The following CC2D1A variants were observed in gnomAD, a reference collection of about 807,000 sequenced individuals.
CC2D1A encodes coiled-coil and C2 domain-containing protein 1A.
A neutral mutation model predicts 123.8 loss-of-function variants in CC2D1A; 68 were observed. The observed-to-expected ratio is 0.55, with a 90% CI of 0.45 to 0.67. The LOEUF (loss-of-function observed/expected upper bound fraction) is 0.67, where lower values mean the gene tolerates loss of function less well. CC2D1A is among the 30% of genes least tolerant of loss of function. The probability of loss-of-function intolerance (pLI) is 0.00; values close to 1 mark genes in which losing one functional copy is unlikely to be tolerated. For synonymous variants in CC2D1A, 477 were observed against 528.0 expected (o/e 0.90, Z 1.32); for missense variants, 1,185 against 1,290.3 (o/e 0.92, Z 1.25).
chr19:13,919,244 C>T (rs1473328529), intron 11 of CC2D1A, 42 bp downstream of exon 11: 68 of 1,459,782 alleles, frequency 4.7e-5, no homozygotes, highest in Non-Finnish European at 6.3e-5. Flanking sequence ...TAGGCCCCGC[C>T]CCCGTAGGCC....
intron 1 of CC2D1A, among the ~76,000 whole-genome samples, chr19:13,907,151 A>G (rs561476269): frequency 1.3e-5 from 2 of 152,258 alleles, no homozygotes; most frequent in African/African-American, 4.8e-5. Context: ...AGATCTCTAT[A>G]ATCCCAGCAC....
In CC2D1A at chr19:13,913,188, T is replaced by C; in HGVS notation, c.399T>C (p.His133=). The change falls in exon 5 of 29, where the codon CAT becomes CAC. Residue 133 remains histidine (H), a synonymous_variant. Transcript: ENST00000318003. Reference sequence around the variant, plus strand: ...CACAGCCGAAGCCTGAGGCCCCTCATCCGGGGCTGGAGACCACCTTGCAGG... The same window carrying C: ...CACAGCCGAAGCCTGAGGCCCCTCACCCGGGGCTGGAGACCACCTTGCAGG... ...PVAQPKPEAP[H]PGLETTLQER... is the part of the protein sequence containing the mutation. 6.2e-7 allele frequency: 1 copy of C among 1,612,130 alleles called. No homozygotes were observed. Among genetic ancestry groups the C allele is most frequent in the Non-Finnish European group, 8.5e-7 (1 of 1,179,288 alleles).
Position 13,926,559 on chromosome 19 carries a change from C to A in CC2D1A, c.1983C>A (p.Ile661=), listed in dbSNP as rs553606005. ...GCAGCAACGACATGCTCCTCTTCAT[C>A]GTGAAGGGCATCAACTTGCCCACAC... ...DLSSNDMLLF[I]VKGINLPTPP... Residue 661 remains isoleucine (I), a synonymous_variant, in exon 18 of 29, where the codon ATC becomes ATA. Coordinates refer to ENST00000318003, the MANE Select transcript of CC2D1A (RefSeq NM_017721.5). The A allele has an allele frequency of 6.2e-7, 1 of 1,614,050 alleles. No homozygotes were observed.
chr19:13,926,065 TACAC>T (rs111396032), intron 17 of CC2D1A, among the ~76,000 whole-genome samples: 5,189 of 127,852 alleles, frequency 0.041, 517 homozygotes, highest in African/African-American at 0.17. Context: ...TATGTATATA[TACAC>T]ACACACACAC....
Position 13,920,810 on chromosome 19 carries a change from G to A in CC2D1A, c.1529G>A (p.Arg510Gln), listed in dbSNP as rs867408303. Residue 510 changes from arginine to glutamine, a missense_variant, in exon 14 of 29, where the codon CGA becomes CAA. By Grantham distance (43) the Arg-to-Gln change is conservative (BLOSUM62 1). Coordinates refer to ENST00000318003, the MANE Select transcript of CC2D1A (RefSeq NM_017721.5). ...RKKQLLQAAL[R>Q]AKQKNDVEGA... ...AAGCAGCTCCTGCAGGCCGCACTGCGAGCCAAGCAGAAAAACGACGTGGAG... is the reference window on the plus strand; with the variant it reads ...AAGCAGCTCCTGCAGGCCGCACTGCAAGCCAAGCAGAAAAACGACGTGGAG... The A allele has an allele frequency of 1.7e-5, 28 of 1,614,132 alleles. No homozygotes were observed. Among genetic ancestry groups the A allele is most frequent in the South Asian group, 4.4e-5 (4 of 91,090 alleles).
At chr19:13,919,479 T>G (rs1971332428) in intron 11 of CC2D1A, among the ~76,000 whole-genome samples, 1 of 152,180 alleles carries the variant, frequency 6.6e-6, no homozygotes, top group Non-Finnish European at 1.5e-5. Context: ...TGGTCATGTC[T>G]GTAATCCCAG....
At chr19:13,919,480 G>A (rs960513748) in intron 11 of CC2D1A, among the ~76,000 whole-genome samples, 3 of 152,170 alleles carry the variant, frequency 2.0e-5, no homozygotes, top group African/African-American at 4.8e-5. Context: ...GGTCATGTCT[G>A]TAATCCCAGC....
intron 14 of CC2D1A, among the ~76,000 whole-genome samples, chr19:13,922,980 GTCAGGAGT>G: frequency 6.6e-6 from 1 of 152,290 alleles, no homozygotes; most frequent in Middle Eastern, 3.4e-3. Context: ...ATCACTTGAG[GTCAGGAGT>G]TCGAGACCAG....
chr19:13,914,080 G>A (rs140791094), intron 6 of CC2D1A, among the ~76,000 whole-genome samples: 1 of 151,872 alleles, frequency 6.6e-6, no homozygotes, highest in Admixed American at 6.6e-5. Context: ...GTTTCACCTT[G>A]TTGGCCAGGC....
Position 13,930,637 on chromosome 19 carries a change from C to A in CC2D1A, c.*242C>A. ...TGGGCCCTGGAGAGTCCTGTTTGCACAGCCCAGGGGTGTCCGGCCTCTGGC... is the reference window on the plus strand; with the variant it reads ...TGGGCCCTGGAGAGTCCTGTTTGCAAAGCCCAGGGGTGTCCGGCCTCTGGC... On this transcript the variant is annotated 3_prime_UTR_variant, in exon 29 of 29. Transcript: ENST00000318003. This position sits in a 1 kb window ranked among gnomAD's most constrained non-coding sequence, Gnocchi z 6.8. 1.7e-6 allele frequency: 1 copy of A among 599,760 alleles called. No homozygotes were observed. Among genetic ancestry groups the A allele is most frequent in the Non-Finnish European group, 2.9e-6 (1 of 339,164 alleles). The allele number at this position is 599,760 out of a possible 1,614,324, so 37.2% of individuals were successfully genotyped here. A position where few individuals can be genotyped will look rare whatever the true frequency, so the allele number is the denominator to read the frequency against.
chr19:13,923,310 G>A lies in CC2D1A; in HGVS notation c.1642-23G>A, dbSNP rs142468597. The A allele has an allele frequency of 6.5e-5, 104 of 1,592,264 alleles. No homozygotes were observed. The highest frequency in any genetic ancestry group is 3.1e-4 in the African/African-American group (23 of 74,782). ...GGGCCTGCTTGTCCTCCTTACCCCC[G>A]CCACCAGCCTCGTCCTCCCCAGGTG... On this transcript the variant is annotated intron_variant, in intron 14 of 28. Transcript: ENST00000318003. This position sits in a 1 kb window ranked among gnomAD's most constrained non-coding sequence, Gnocchi z 5.3.
At chr19:13,908,023 G>C (rs1257897987) in intron 1 of CC2D1A, among the ~76,000 whole-genome samples, 1 of 152,154 alleles carries the variant, frequency 6.6e-6, no homozygotes, top group African/African-American at 2.4e-5. Context: ...GTTTGTTTTT[G>C]AGACAGAGTC....
At chr19:13,925,306 C>T (rs560117267) in intron 17 of CC2D1A, among the ~76,000 whole-genome samples, 10 of 152,222 alleles carry the variant, frequency 6.6e-5, no homozygotes, top group South Asian at 4.1e-4. Flanking sequence ...TGAGGCCAGG[C>T]GTGCTGGCTC....
Position 13,929,386 on chromosome 19 carries a change from C to T in CC2D1A, c.2527C>T (p.Arg843Trp), listed in dbSNP as rs751288837. The change falls in exon 25 of 29, where the codon CGG (arginine) becomes TGG (tryptophan). Residue 843 changes from arginine (R) to tryptophan (W), a missense_variant. Coordinates refer to ENST00000318003, the MANE Select transcript of CC2D1A (RefSeq NM_017721.5). ...PARESGNRSA[R>W]PLHSLSVLAF... ...CCTTCCTCCACCCCTTAGATCAGCC[C>T]GGCCCCTGCATAGCCTCAGTGTGCT... The T allele has an allele frequency of 1.4e-5, 23 of 1,613,558 alleles. No homozygotes were observed. The highest frequency in any genetic ancestry group is 1.7e-5 in the Admixed American group (1 of 59,974).
rs576607577 is a variant in CC2D1A at position 13,930,493 on chromosome 19, G to C, written c.*98G>C. 4 of 1,371,480 alleles carry C rather than the reference G, an allele frequency of 2.9e-6. No homozygotes were observed. Among genetic ancestry groups the C allele is most frequent in the Non-Finnish European group, 3.9e-6 (4 of 1,023,700 alleles). The allele number at this position is 1,371,480 out of a possible 1,614,324, so 85.0% of individuals were successfully genotyped here. A position where few individuals can be genotyped will look rare whatever the true frequency, so the allele number is the denominator to read the frequency against. On this transcript the variant is annotated 3_prime_UTR_variant, in exon 29 of 29. Coordinates refer to ENST00000318003, the MANE Select transcript of CC2D1A (RefSeq NM_017721.5). This position sits in a 1 kb window ranked among gnomAD's most constrained non-coding sequence, Gnocchi z 6.8. ...CGAACCAGACAAGCAGACAATCAGC[G>C]GACAATCGGTTCTGGACTCACCCCT...
In CC2D1A at chr19:13,930,415, GC is replaced by G; in HGVS notation, c.*25del. 1 of 1,596,098 alleles carries G rather than the reference GC, an allele frequency of 6.3e-7. No homozygotes were observed. The highest frequency in any genetic ancestry group is 8.5e-7 in the Non-Finnish European group (1 of 1,171,354). On this transcript the variant is annotated 3_prime_UTR_variant, in exon 29 of 29. Coordinates refer to ENST00000318003, the MANE Select transcript of CC2D1A (RefSeq NM_017721.5). This position sits in a 1 kb window ranked among gnomAD's most constrained non-coding sequence, Gnocchi z 6.8. ...AGGTGAGGAGCCCATGGGGCGGGCA[GC>G]CCCCAGAAAGCGGGCAGCAGGCCCC...
intron 11 of CC2D1A, 47 bp downstream of exon 11, chr19:13,919,249 T>C: frequency 6.9e-7 from 1 of 1,443,860 alleles, no homozygotes; most frequent in South Asian, 1.3e-5. Flanking sequence ...CCCGCCCCCG[T>C]AGGCCCCGCC....
Position 13,913,419 on chromosome 19 carries a change from C to T in CC2D1A, c.529C>T (p.Leu177Phe). 6.2e-7 allele frequency: 1 copy of T among 1,614,030 alleles called. No individual in the cohort carries two copies. Among genetic ancestry groups the T allele is most frequent in the Non-Finnish European group, 8.5e-7 (1 of 1,179,986 alleles). Residue 177 changes from leucine (L) to phenylalanine (F), a missense_variant, in exon 6 of 29, where the codon CTC becomes TTC. Leu to Phe is a conservative substitution (Grantham distance 22). Coordinates refer to ENST00000318003, the MANE Select transcript of CC2D1A (RefSeq NM_017721.5). ...CTTATCTTAGACACTGGAAAACCTG[C>T]TCGCCTCCATCCGTAAGGGCAATGC... ...DRGLKTLENL[L>F]ASIRKGNAID... is the part of the protein sequence containing the mutation.
Position 13,912,314 on chromosome 19 carries a change from T to C in CC2D1A, c.197-9T>C. 6.3e-7 allele frequency: 1 copy of C among 1,586,350 alleles called. No individual in the cohort carries two copies. Among genetic ancestry groups the C allele is most frequent in the Non-Finnish European group, 8.6e-7 (1 of 1,166,604 alleles). ...CCCTGGTCCACCTGGGGCATCCCCC[T>C]ACCGCCAGGTCCCTTGCCGATGGAG... is the stretch of plus-strand genomic sequence containing the variant. On this transcript the variant is annotated splice_polypyrimidine_tract_variant and intron_variant, in intron 2 of 28. Transcript: ENST00000318003.
Sources: gnomAD v4.1 joint callset for allele counts (sites outside exome capture counted in the v4.1 genomes callset) on GRCh38, gnomAD v4.1.1 for gene constraint, Gnocchi (gnomAD v3.1) non-coding constraint, MANE v1.5 for transcripts, NCBI Gene and HGNC (gene_info 2026-07-23, HGNC 2026-07-21) for gene names.